EPB41L3: variants seen among roughly 807,000 people sequenced by gnomAD.
EPB41L3 encodes the protein erythrocyte membrane protein band 4.1 like 3, also known as band 4.1-like protein 3.
A neutral mutation model predicts 127.1 loss-of-function variants in EPB41L3; 57 were observed. That is an observed-to-expected ratio of 0.45 (90% CI 0.36 to 0.56). The LOEUF (loss-of-function observed/expected upper bound fraction) is 0.56. Among genes scored for constraint, EPB41L3 ranks in the 20% least tolerant of loss-of-function variants. EPB41L3 has a pLI of 0.00. For synonymous variants in EPB41L3, 572 were observed against 549.5 expected, an observed-to-expected ratio of 1.04 and a Z score of -0.57; for missense variants, 1,273 against 1,372.2, an observed-to-expected ratio of 0.93 and a Z score of 1.14.
At chr18:5,463,541 A>G (rs2084401615) in intron 3 of EPB41L3, 1 of 152,284 alleles carries the variant, frequency 6.6e-6, no homozygotes, top group Non-Finnish European at 1.5e-5. Flanking sequence ...AAGACAAATC[A>G]TGGTGAGGGA....
At chr18:5,425,321 CCG>C (rs929176597) in intron 9 of EPB41L3, among the ~76,000 whole-genome samples, 1 of 152,174 alleles carries the variant, frequency 6.6e-6, no homozygotes, top group African/African-American at 2.4e-5. Flanking sequence ...AATGCTTCAA[CCG>C]CAATTGCCTT....
intron 6 of EPB41L3, among the ~76,000 whole-genome samples, chr18:5,436,487 C>T (rs62080550): frequency 0.083 from 12,124 of 145,450 alleles, 634 homozygotes; most frequent in Non-Finnish European, 0.12. Context: ...CGGCTCACTG[C>T]AAGCTCCGCC....
chr18:5,487,739 A>G (rs1485040125), intron 2 of EPB41L3, among the ~76,000 whole-genome samples: 1 of 151,882 alleles, frequency 6.6e-6, no homozygotes, highest in Non-Finnish European at 1.5e-5. Flanking sequence ...TCCTGGGATT[A>G]CAGGCATGAG....
rs115796199 is a variant in EPB41L3 at position 5,557,726 on chromosome 18, A to T, written c.-306+54614T>A. ...TAGCATTTACTTGAGAAGTTCTCTC[A>T]AGAATACAGGCCTCATTTGGAATCA... On this transcript the variant is annotated intron_variant, in intron 3 of 21. Coordinates refer to the EPB41L3 transcript ENST00000545076. Among the ~76,000 whole-genome samples the T allele has an allele frequency of 7.5e-3, 1,149 of 152,310 alleles. 10 individuals are homozygous for T. Among genetic ancestry groups the T allele is most frequent in the African/African-American group, 0.026 (1,085 of 41,570 alleles).
intron 1 of EPB41L3, among the ~76,000 whole-genome samples, chr18:5,532,088 A>G (rs1282864153): frequency 6.6e-6 from 1 of 152,182 alleles, no homozygotes; most frequent in Non-Finnish European, 1.5e-5. Context: ...TTCCACTTAC[A>G]ATCTAGAATT....
rs2093827968 is a variant in EPB41L3, at chr18:5,543,966, G to A, written c.-65C>T. The A allele has an allele frequency of 1.3e-5, 13 of 985,652 alleles. No homozygotes were observed. The highest frequency in any genetic ancestry group is 1.4e-5 in the Non-Finnish European group (12 of 830,082). The allele number at this position is 985,652 out of a possible 1,614,324, so 61.1% of individuals were successfully genotyped here. A position where few individuals can be genotyped will look rare whatever the true frequency, so the allele number is the denominator to read the frequency against. On this transcript the variant is annotated 5_prime_UTR_variant, in exon 1 of 23. Coordinates refer to ENST00000341928, the MANE Select transcript of EPB41L3 (RefSeq NM_012307.5). The surrounding 1 kb of genome is among the most constrained non-coding windows in gnomAD (Gnocchi z 5.2). ...CGCGGCGTGGGGACTAGGCTCGGGC[G>A]CGCGTCCTCGGCGGCGGTGCGCAGG...
intron 3 of EPB41L3, among the ~76,000 whole-genome samples, chr18:5,468,776 C>T (rs1332494992): frequency 2.0e-5 from 3 of 152,206 alleles, no homozygotes; most frequent in East Asian, 1.9e-4. Flanking sequence ...ATTAGCCAGG[C>T]GTGGTGGCAT....
At chr18:5,478,520 C>T in intron 2 of EPB41L3, 82 bp from the exon 3 acceptor site, 1 of 1,278,618 alleles carries the variant, frequency 7.8e-7, no homozygotes, top group South Asian at 1.3e-5. Flanking sequence ...CACAAAACTG[C>T]TTTCTATTTC....
intron 1 of EPB41L3, chr18:5,540,548 T>C (rs2093689502): frequency 1.0e-6 from 1 of 985,270 alleles, no homozygotes; most frequent in African/African-American, 1.7e-5. Flanking sequence ...CCAAGGCAAA[T>C]CAAATAACAG....
upstream of EPB41L3, among the ~76,000 whole-genome samples, chr18:5,547,870 T>C (rs1243253064): frequency 6.6e-6 from 1 of 152,220 alleles, no homozygotes; most frequent in Non-Finnish European, 1.5e-5. Flanking sequence ...ACAGCCATGT[T>C]GTCAGCCTTA....
intron 1 of EPB41L3, among the ~76,000 whole-genome samples, chr18:5,524,453 C>T (rs2093142241): frequency 6.6e-6 from 1 of 152,156 alleles, no homozygotes; most frequent in Non-Finnish European, 1.5e-5. Context: ...TCTCGGCCTC[C>T]CAAAGTGCTG....
At chr18:5,467,978 G>C (rs1027133380) in intron 3 of EPB41L3, among the ~76,000 whole-genome samples, 1 of 152,174 alleles carries the variant, frequency 6.6e-6, no homozygotes, top group Admixed American at 6.5e-5. Flanking sequence ...TGCCCCTACA[G>C]GCTTGTAAGT....
chr18:5,605,740 A>G (rs985377023), intron 3 of EPB41L3, among the ~76,000 whole-genome samples: 3 of 152,136 alleles, frequency 2.0e-5, no homozygotes, highest in Non-Finnish European at 2.9e-5. Flanking sequence ...CTGATTTTAG[A>G]AAACAATGAA....
chr18:5,468,957 A>ACAAAC (rs761704130), intron 3 of EPB41L3, among the ~76,000 whole-genome samples: 3 of 151,184 alleles, frequency 2.0e-5, no homozygotes, highest in Non-Finnish European at 2.9e-5. Flanking sequence ...AAACAAACAA[A>ACAAAC]AAACAAAAAA....
chr18:5,577,559 A>G, intron 3 of EPB41L3: 1 of 316,432 alleles, frequency 3.2e-6, no homozygotes, highest in Non-Finnish European at 6.1e-6. Context: ...CGGGGCAGGA[A>G]GCAATAACTG....
chr18:5,572,829 C>A (rs1469502599), intron 3 of EPB41L3, among the ~76,000 whole-genome samples: 1 of 152,188 alleles, frequency 6.6e-6, no homozygotes, highest in Non-Finnish European at 1.5e-5. Context: ...CCACCTTGGC[C>A]TCCCAAAGTG....
chr18:5,419,998 C>A, intron 11 of EPB41L3, 121 bp from the exon 12 acceptor site: 3 of 1,535,382 alleles, frequency 2.0e-6, no homozygotes, highest in South Asian at 2.5e-5. Flanking sequence ...ATGAACAATA[C>A]CAACTATATC....
chr18:5,404,916 A>C (rs2075108626), intron 16 of EPB41L3, among the ~76,000 whole-genome samples: 1 of 152,232 alleles, frequency 6.6e-6, no homozygotes, highest in African/African-American at 2.4e-5. Context: ...AGCATAACTG[A>C]ATATTGTAAG....
chr18:5,571,601 C>T (rs893870757), intron 3 of EPB41L3, among the ~76,000 whole-genome samples: 12 of 152,300 alleles, frequency 7.9e-5, no homozygotes, highest in Middle Eastern at 3.4e-3. Flanking sequence ...AAAGGTTAAG[C>T]GACCTGAGTT....
Sources: gnomAD v4.1 joint callset for allele counts (sites outside exome capture counted in the v4.1 genomes callset) on GRCh38, gnomAD v4.1.1 for gene constraint, Gnocchi (gnomAD v3.1) non-coding constraint, MANE v1.5 for transcripts, NCBI Gene and HGNC (gene_info 2026-07-23, HGNC 2026-07-21) for gene names.